SPSB1: variants seen among roughly 807,000 people sequenced by gnomAD.
The protein encoded by SPSB1 is SPRY domain-containing SOCS box protein 1.
Under a neutral mutation model 21.2 loss-of-function variants are expected in SPSB1, and 8 were observed. That is an observed-to-expected ratio of 0.38 (90% CI 0.22 to 0.68). SPSB1 has a LOEUF of 0.68. Ranked by LOEUF, SPSB1 falls within the 30% of genes least tolerant of loss-of-function variation. SPSB1 has a pLI of 0.53. For synonymous variants in SPSB1, 169 were observed against 161.7 expected (o/e 1.05, Z -0.34); for missense variants, 242 against 377.8 (o/e 0.64, Z 2.98).
At chr1:9,347,010 T>A (rs1285310892) in intron 1 of SPSB1, among the ~76,000 whole-genome samples, 1 of 152,242 alleles carries the variant, frequency 6.6e-6, no homozygotes, top group East Asian at 1.9e-4. Flanking sequence ...AGGATTCTCA[T>A]CCTTTATTTA....
intron 1 of SPSB1, among the ~76,000 whole-genome samples, chr1:9,294,262 G>GTGTCTCTGTGTC (rs1491374928): frequency 2.6e-5 from 2 of 76,916 alleles, no homozygotes; most frequent in African/African-American, 6.9e-5. Flanking sequence ...GTGTCCACAC[G>GTGTCTCTGTGTC]TGTCTCTGTG....
At chr1:9,322,658 T>C (rs1639739075) in intron 1 of SPSB1, among the ~76,000 whole-genome samples, 1 of 152,140 alleles carries the variant, frequency 6.6e-6, no homozygotes, top group Non-Finnish European at 1.5e-5. Context: ...GGCCAGATTC[T>C]GGGGAGGCCA....
chr1:9,343,676 T>G (rs373126493), intron 1 of SPSB1, among the ~76,000 whole-genome samples: 1 of 152,258 alleles, frequency 6.6e-6, no homozygotes, highest in East Asian at 1.9e-4. Context: ...GATACAGTTT[T>G]TTCTAGGTTT....
intron 1 of SPSB1, among the ~76,000 whole-genome samples, chr1:9,300,657 G>C: frequency 6.6e-6 from 1 of 152,188 alleles, no homozygotes; most frequent in East Asian, 1.9e-4. Flanking sequence ...TCATGAAGTG[G>C]GTGTTATCTA....
In SPSB1 at chr1:9,293,161, G is replaced by A. The variant is rs1639148380; in HGVS notation, c.-150+90G>A. 1 of 970,956 alleles carries A rather than the reference G, an allele frequency of 1.0e-6. No individual in the cohort carries two copies. The highest frequency in any genetic ancestry group is 1.8e-5 in the African/African-American group (1 of 56,476). 60.1% of individuals were successfully genotyped at this position (970,956 alleles called of 1,614,324 possible). A position where few individuals can be genotyped will look rare whatever the true frequency, so the allele number is the denominator to read the frequency against. ...GGGGGCCGGGCGAGGGCGGACGCGG[G>A]GATCGCGCCGCTGGGGGACCGAGTG... On this transcript the variant is annotated intron_variant, in intron 1 of 2. Transcript: ENST00000328089. The surrounding 1 kb of genome is among the most constrained non-coding windows in gnomAD (Gnocchi z 5.1).
rs573245362 is a variant in SPSB1, at chr1:9,306,300, C to G, written c.-150+13229C>G. Among the ~76,000 whole-genome samples, 277 of 152,324 alleles carry G rather than the reference C, an allele frequency of 1.8e-3. 2 individuals carry two copies. Among genetic ancestry groups the G allele is most frequent in the African/African-American group, 6.5e-3 (269 of 41,560 alleles). ...CGGCTTTTCTGCTCTGTGGTTTCCACCACGGAGAGCATTTGGAGCACAGCA... is the reference window on the plus strand; with the variant it reads ...CGGCTTTTCTGCTCTGTGGTTTCCAGCACGGAGAGCATTTGGAGCACAGCA... On this transcript the variant is annotated intron_variant, in intron 1 of 2. Transcript: ENST00000328089.
intron 1 of SPSB1, among the ~76,000 whole-genome samples, chr1:9,355,009 G>A (rs1287890839): frequency 6.6e-6 from 1 of 152,222 alleles, no homozygotes. Context: ...CTGGCTTCTA[G>A]TTGAAGGGTG....
At chr1:9,359,704 G>C (rs1342162759) in intron 2 of SPSB1, among the ~76,000 whole-genome samples, 2 of 71,200 alleles carry the variant, frequency 2.8e-5, no homozygotes, top group African/African-American at 8.7e-5. Flanking sequence ...TCCGTCTCTG[G>C]GAAAAAAAAA....
chr1:9,333,670 C>G (rs1352901565), intron 1 of SPSB1, among the ~76,000 whole-genome samples: 1 of 152,202 alleles, frequency 6.6e-6, no homozygotes, highest in East Asian at 1.9e-4. Context: ...TGTGAGCCTG[C>G]TGTGAACAGC....
Position 9,348,558 on chromosome 1 carries a change from A to G in SPSB1, c.-149-7185A>G, listed in dbSNP as rs1201787558. Among the ~76,000 whole-genome samples the G allele has an allele frequency of 6.6e-6, 1 of 151,830 alleles. No individual in the cohort carries two copies. The highest frequency in any genetic ancestry group is 2.4e-5 in the African/African-American group (1 of 41,312). On this transcript the variant is annotated intron_variant, in intron 1 of 2. Coordinates refer to ENST00000328089, the MANE Select transcript of SPSB1 (RefSeq NM_025106.4). This position sits in a 1 kb window ranked among gnomAD's most constrained non-coding sequence, Gnocchi z 4.8. ...TCCCCATCCCCTGGGATCAGCATTCATTTCCAGGCTTCCTTCCCTCTGTAT... is the reference window on the plus strand; with the variant it reads ...TCCCCATCCCCTGGGATCAGCATTCGTTTCCAGGCTTCCTTCCCTCTGTAT...
At chr1:9,312,429 T>C (rs1190092001) in intron 1 of SPSB1, among the ~76,000 whole-genome samples, 1 of 151,950 alleles carries the variant, frequency 6.6e-6, no homozygotes, top group Admixed American at 6.6e-5. Flanking sequence ...CCTGTGGAGG[T>C]ATTATGCACA....
At chr1:9,295,157 T>C (rs1438333216) in intron 1 of SPSB1, among the ~76,000 whole-genome samples, 1 of 152,080 alleles carries the variant, frequency 6.6e-6, no homozygotes, top group Non-Finnish European at 1.5e-5. Flanking sequence ...ACAGCTGCTT[T>C]TCTTCTGCAG....
chr1:9,342,325 T>C (rs540225895), intron 1 of SPSB1, among the ~76,000 whole-genome samples: 1 of 152,248 alleles, frequency 6.6e-6, no homozygotes, highest in Admixed American at 6.5e-5. Flanking sequence ...GAGGTTTGCG[T>C]AGTGACAAGT....
chr1:9,364,314 C>T (rs1481817445), intron 2 of SPSB1, among the ~76,000 whole-genome samples: 1 of 152,262 alleles, frequency 6.6e-6, no homozygotes, highest in Non-Finnish European at 1.5e-5. Flanking sequence ...GTGCAGAAGA[C>T]CTACTCCCGA....
Position 9,305,534 on chromosome 1 carries a change from G to A in SPSB1, c.-150+12463G>A, listed in dbSNP as rs1004903431. Among the ~76,000 whole-genome samples, 3 of 152,178 alleles carry A rather than the reference G, an allele frequency of 2.0e-5. No individual in the cohort carries two copies. The highest frequency in any genetic ancestry group is 7.2e-5 in the African/African-American group (3 of 41,438). On this transcript the variant is annotated intron_variant, in intron 1 of 2. Transcript: ENST00000328089. This position sits in a 1 kb window ranked among gnomAD's most constrained non-coding sequence, Gnocchi z 4.8. ...TGAAGGAGTAGGTAAGACCGGTGGC[G>A]TAGTGGATCCTAGCAGGGTCTGGGA...
chr1:9,315,788 A>C (rs1203179143), intron 1 of SPSB1, among the ~76,000 whole-genome samples: 1 of 152,224 alleles, frequency 6.6e-6, no homozygotes, highest in Non-Finnish European at 1.5e-5. Flanking sequence ...GTTGCTGACT[A>C]ATTCTCTTTG....
rs1265648991 is a variant in SPSB1 at position 9,317,725 on chromosome 1, C to T, written c.-150+24654C>T. ...CTCAAACTCCTGAGCTGAAGCAGTC[C>T]ACCCTCCTTGGCCTCCCAGAGTGTT... is the stretch of plus-strand genomic sequence containing the variant. On this transcript the variant is annotated intron_variant, in intron 1 of 2. Coordinates refer to ENST00000328089, the MANE Select transcript of SPSB1 (RefSeq NM_025106.4). The surrounding 1 kb of genome is among the most constrained non-coding windows in gnomAD (Gnocchi z 4.3). Among the ~76,000 whole-genome samples, 1 of 152,180 alleles carries T rather than the reference C, an allele frequency of 6.6e-6. No homozygotes were observed. The highest frequency in any genetic ancestry group is 6.5e-5 in the Admixed American group (1 of 15,282).
rs1163027416 is a variant in SPSB1, at chr1:9,345,501, AG to A, written c.-149-10240del. 1.3e-5 allele frequency among the ~76,000 whole-genome samples: 2 copies of A among 152,048 alleles called. No individual in the cohort carries two copies. Among genetic ancestry groups the A allele is most frequent in the African/African-American group, 4.8e-5 (2 of 41,382 alleles). Reference sequence around the variant, plus strand: ...CTGCTGTCTGGGTCACCTTTTGGGAAGGTTGCTGTGTGTCCCTGGGGTCCCT... The same window carrying A: ...CTGCTGTCTGGGTCACCTTTTGGGAAGTTGCTGTGTGTCCCTGGGGTCCCT... On this transcript the variant is annotated intron_variant, in intron 1 of 2. Transcript: ENST00000328089. The surrounding 1 kb of genome is among the most constrained non-coding windows in gnomAD (Gnocchi z 4.8).
At chr1:9,301,627 G>A (rs138110257) in intron 1 of SPSB1, among the ~76,000 whole-genome samples, 201 of 152,298 alleles carry the variant, frequency 1.3e-3, no homozygotes, top group African/African-American at 4.6e-3. Context: ...GTGGATTCTC[G>A]TCAGCCTCTT....
Sources: gnomAD v4.1 joint callset for allele counts (sites outside exome capture counted in the v4.1 genomes callset) on GRCh38, gnomAD v4.1.1 for gene constraint, Gnocchi (gnomAD v3.1) non-coding constraint, MANE v1.5 for transcripts, NCBI Gene and HGNC (gene_info 2026-07-23, HGNC 2026-07-21) for gene names.